OXNAD1: variants seen among roughly 807,000 people sequenced by gnomAD.
OXNAD1 encodes oxidoreductase NAD-binding domain-containing protein 1.
OXNAD1 carries 34 observed loss-of-function variants against 32.9 expected under a neutral mutation model. That is an observed-to-expected ratio of 1.03 (90% CI 0.79 to 1.38). The LOEUF (loss-of-function observed/expected upper bound fraction) is 1.38, where lower values mean the gene tolerates loss of function less well. Ranked by LOEUF, OXNAD1 falls within the 40% of genes most tolerant of loss-of-function variation. The pLI is 0.00. For synonymous variants in OXNAD1, 134 were observed against 135.2 expected (o/e 0.99, Z 0.06); for missense variants, 407 against 379.4 (o/e 1.07, Z -0.60).
rs551613359 is a variant in OXNAD1, at chr3:16,321,592, C to T, written c.*31-15520C>T. ...CCAAGGAGTCTGGCTGTGAAGCCCC[C>T]CTCTCTGGAGGACTCCCATCTGTGA... On this transcript the variant is annotated intron_variant, in intron 9 of 9. Coordinates refer to the OXNAD1 transcript ENST00000435829. This position sits in a 1 kb window ranked among gnomAD's most constrained non-coding sequence, Gnocchi z 4.8. 2.6e-5 allele frequency among the ~76,000 whole-genome samples: 4 copies of T among 152,260 alleles called. No individual in the cohort carries two copies. In the East Asian group the frequency reaches 7.7e-4, roughly 29 times the overall value.
In OXNAD1 at chr3:16,345,264, T is replaced by TTTGTGTGTGTGTGTG. The variant is rs1491581919; in HGVS notation, c.*31-3911_*31-3910insTGTGTGTGTGTGTGT. The TTTGTGTGTGTGTGTG allele has an allele frequency of 9.9e-4, 145 of 145,930 alleles. 2 individuals are homozygous for TTTGTGTGTGTGTGTG. Among genetic ancestry groups the TTTGTGTGTGTGTGTG allele is most frequent in the African/African-American group, 3.5e-3 (131 of 37,852 alleles). The allele number at this position is 145,930 out of a possible 1,614,324, so 9.0% of individuals were successfully genotyped here. On this transcript the variant is annotated intron_variant, in intron 9 of 9. Coordinates refer to the OXNAD1 transcript ENST00000606098. The surrounding 1 kb of genome is among the most constrained non-coding windows in gnomAD (Gnocchi z 5.2). ...AAACTGTAAGATAATAAGTAGGTGG[T>TTTGTGTGTGTGTGTG]TGTGTGTGTGTGTGTGTGTGTGTGT...
In OXNAD1 at chr3:16,306,048, C is replaced by A. The variant is rs1322059779; in HGVS notation, c.*2486C>A. The A allele has an allele frequency of 6.6e-6, 1 of 152,174 alleles. No individual in the cohort carries two copies. Among genetic ancestry groups the A allele is most frequent in the African/African-American group, 2.4e-5 (1 of 41,424 alleles). 9.4% of individuals were successfully genotyped at this position (152,174 alleles called of 1,614,324 possible). On this transcript the variant is annotated 3_prime_UTR_variant, in exon 9 of 9. Transcript: ENST00000285083. ...TATTTCATAAATATTTGTTAATATGCTCAGAGTTGATAAGCTGGATTAAAG... is the reference window on the plus strand; with the variant it reads ...TATTTCATAAATATTTGTTAATATGATCAGAGTTGATAAGCTGGATTAAAG...
intron 9 of OXNAD1, chr3:16,323,547 A>G: frequency 1.1e-6 from 1 of 871,604 alleles, no homozygotes; most frequent in Non-Finnish European, 1.9e-6. Flanking sequence ...ATTTCATCAA[A>G]GCAGACCACC....
rs1161451133 is a variant in OXNAD1 at position 16,289,052 on chromosome 3, CAGTTCTCATATCTTCAA to C, written c.290+2607_290+2623del. 6.6e-6 allele frequency among the ~76,000 whole-genome samples: 1 copy of C among 152,162 alleles called. No individual in the cohort carries two copies. The highest frequency in any genetic ancestry group is 6.5e-5 in the Admixed American group (1 of 15,280). On this transcript the variant is annotated intron_variant, in intron 5 of 8. Coordinates refer to ENST00000285083, the MANE Select transcript of OXNAD1 (RefSeq NM_138381.5). This position sits in a 1 kb window ranked among gnomAD's most constrained non-coding sequence, Gnocchi z 4.9. Reference sequence around the variant, plus strand: ...TCAGTTTCCTTATTTGTCTGGGCTTCAGTTCTCATATCTTCAAAGAGGGAGCAGTAGTATTCCTACGT... The same window carrying C: ...TCAGTTTCCTTATTTGTCTGGGCTTCAGAGGGAGCAGTAGTATTCCTACGT...
At chr3:16,323,260 T>C (rs1416258160) in intron 9 of OXNAD1, 1 of 727,912 alleles carries the variant, frequency 1.4e-6, no homozygotes, top group Non-Finnish European at 2.3e-6. Flanking sequence ...AGGTGTTCCT[T>C]GGGCTCTGCG....
rs182782318 is a variant in OXNAD1, at chr3:16,298,101, T to C, written c.432+3104T>C. Among the ~76,000 whole-genome samples, 2 of 152,288 alleles carry C rather than the reference T, an allele frequency of 1.3e-5. No individual in the cohort carries two copies. The highest frequency in any genetic ancestry group is 1.3e-4 in the Admixed American group (2 of 15,306). On this transcript the variant is annotated intron_variant, in intron 6 of 8. Transcript: ENST00000285083. The surrounding 1 kb of genome is among the most constrained non-coding windows in gnomAD (Gnocchi z 5.1). ...TGTGTAGGCATTTCCATTGTAAATGTATCCTGTCACATTTTTACCCTGCAA... is the reference window on the plus strand; with the variant it reads ...TGTGTAGGCATTTCCATTGTAAATGCATCCTGTCACATTTTTACCCTGCAA...
intron 4 of OXNAD1, chr3:16,276,515 ATTTT>A (rs35338490): frequency 1.4e-3 from 200 of 143,584 alleles, no homozygotes; most frequent in South Asian, 3.2e-3. Flanking sequence ...CAATCTTGCT[ATTTT>A]TTTTTTTTTT....
chr3:16,269,886 G>A (rs377116311), intron 2 of OXNAD1, among the ~76,000 whole-genome samples: 10 of 152,218 alleles, frequency 6.6e-5, no homozygotes, highest in Admixed American at 3.9e-4. Context: ...ATAGAGCAAT[G>A]TAACATGTTA....
At chr3:16,333,568 T>G (rs1160110714) in intron 9 of OXNAD1, among the ~76,000 whole-genome samples, 1 of 152,216 alleles carries the variant, frequency 6.6e-6, no homozygotes, top group Non-Finnish European at 1.5e-5. Flanking sequence ...TAATAAAATG[T>G]TATTATTTTA....
In OXNAD1 at chr3:16,265,665, C is replaced by T. The variant is rs2064438029; in HGVS notation, c.-159+160C>T. On this transcript the variant is annotated intron_variant, in intron 1 of 8. Coordinates refer to ENST00000285083, the MANE Select transcript of OXNAD1 (RefSeq NM_138381.5). This position sits in a 1 kb window ranked among gnomAD's most constrained non-coding sequence, Gnocchi z 4.8. ...TGATTTTTAGTAATAGTAATAACAT[C>T]ACCTTTTATTATTGGGAAGTTATGT... 1 of 156,998 alleles carries T rather than the reference C, an allele frequency of 6.4e-6. No individual in the cohort carries two copies. The highest frequency in any genetic ancestry group is 1.4e-5 in the Non-Finnish European group (1 of 72,466). The allele number at this position is 156,998 out of a possible 1,614,324, so 9.7% of individuals were successfully genotyped here. A position where few individuals can be genotyped will look rare whatever the true frequency, so the allele number is the denominator to read the frequency against.
At chr3:16,338,163 T>C (rs1026283525), downstream of OXNAD1, among the ~76,000 whole-genome samples, 10 of 152,186 alleles carry the variant, frequency 6.6e-5, 1 homozygote, top group Non-Finnish European at 1.2e-4. This position sits in a 1 kb window ranked among gnomAD's most constrained non-coding sequence, Gnocchi z 5.3. Flanking sequence ...GTCAGTTACT[T>C]GGAAGGCAGA....
rs2066318470 is a variant in OXNAD1 at position 16,289,941 on chromosome 3, T to C, written c.290+3493T>C. ...CAACTAAGACATATGTGCATCTTTG[T>C]ACCTCCAGCAAGTACCACAGTGCCT... On this transcript the variant is annotated intron_variant, in intron 5 of 8. Coordinates refer to ENST00000285083, the MANE Select transcript of OXNAD1 (RefSeq NM_138381.5). The surrounding 1 kb of genome is among the most constrained non-coding windows in gnomAD (Gnocchi z 4.9). 6.6e-6 allele frequency among the ~76,000 whole-genome samples: 1 copy of C among 152,238 alleles called. No homozygotes were observed. The highest frequency in any genetic ancestry group is 1.5e-5 in the Non-Finnish European group (1 of 68,046).
intron 9 of OXNAD1, chr3:16,323,429 C>CA: frequency 6.2e-7 from 1 of 1,612,548 alleles, no homozygotes; most frequent in East Asian, 2.2e-5. Context: ...TGAAGAAAGA[C>CA]AATCTGCTTG....
chr3:16,344,030 C>G lies in OXNAD1; in HGVS notation c.*31-5146C>G, dbSNP rs2071481971. ...ACCAGAAAGAAACATGGGCTGTGAT[C>G]TGGAAATGTTCACTGGGTCACAGCC... On this transcript the variant is annotated intron_variant, in intron 9 of 9. Transcript: ENST00000606098. This position sits in a 1 kb window ranked among gnomAD's most constrained non-coding sequence, Gnocchi z 4.4. 6.6e-6 allele frequency among the ~76,000 whole-genome samples: 1 copy of G among 152,168 alleles called. No homozygotes were observed. The highest frequency in any genetic ancestry group is 1.5e-5 in the Non-Finnish European group (1 of 68,032).
At chr3:16,268,307 G>T (rs1000702939) in intron 1 of OXNAD1, among the ~76,000 whole-genome samples, 1 of 116,806 alleles carries the variant, frequency 8.6e-6, no homozygotes, top group Non-Finnish European at 1.8e-5. Context: ...ATTTTAAAGA[G>T]AACTCCTTTT....
chr3:16,312,046 G>T lies in OXNAD1; in HGVS notation c.*30+8454G>T, dbSNP rs1175850095. Among the ~76,000 whole-genome samples, 2 of 152,180 alleles carry T rather than the reference G, an allele frequency of 1.3e-5. No individual in the cohort carries two copies. Among genetic ancestry groups the T allele is most frequent in the Non-Finnish European group, 2.9e-5 (2 of 68,032 alleles). On this transcript the variant is annotated intron_variant, in intron 9 of 9. Transcript: ENST00000435829. This position sits in a 1 kb window ranked among gnomAD's most constrained non-coding sequence, Gnocchi z 4.7. ...CATGCCGCTGTTGTGCAAGGGCTGG[G>T]GAAGCAAGCACCAGCCAGGTTCAGA... is the stretch of plus-strand genomic sequence containing the variant.
chr3:16,269,285 A>G lies in OXNAD1; in HGVS notation c.-9+10A>G. The stretch of plus-strand genomic sequence containing the variant: ...CTCGTGGACTTCTAAGGTAAGTTTC[A>G]ACTTCTTTCTTTCAGGGATTAAGGT... On this transcript the variant is annotated intron_variant, in intron 2 of 8. Transcript: ENST00000285083. 6.5e-7 allele frequency: 1 copy of G among 1,534,416 alleles called. No individual in the cohort carries two copies. The highest frequency in any genetic ancestry group is 8.7e-7 in the Non-Finnish European group (1 of 1,145,934).
At chr3:16,295,683 C>A (rs2066736421) in intron 6 of OXNAD1, among the ~76,000 whole-genome samples, 1 of 152,040 alleles carries the variant, frequency 6.6e-6, no homozygotes, top group African/African-American at 2.4e-5. Context: ...TATTCTTTTC[C>A]TTTTCCTTTC....
In OXNAD1 at chr3:16,284,424, A is replaced by T. The variant is rs1575092561; in HGVS notation, c.184-1918A>T. Reference sequence around the variant, plus strand: ...AAACCTGGAGGGGATAGCCTACTACACACTTAGGCTAAATGGTATAGCCTA... The same window carrying T: ...AAACCTGGAGGGGATAGCCTACTACTCACTTAGGCTAAATGGTATAGCCTA... On this transcript the variant is annotated intron_variant, in intron 4 of 8. Transcript: ENST00000285083. The surrounding 1 kb of genome is among the most constrained non-coding windows in gnomAD (Gnocchi z 4.1). Among the ~76,000 whole-genome samples, 2 of 152,232 alleles carry T rather than the reference A, an allele frequency of 1.3e-5. No homozygotes were observed. The highest frequency in any genetic ancestry group is 1.3e-4 in the Admixed American group (2 of 15,274).
Sources: gnomAD v4.1 joint callset for allele counts (sites outside exome capture counted in the v4.1 genomes callset) on GRCh38, gnomAD v4.1.1 for gene constraint, Gnocchi (gnomAD v3.1) non-coding constraint, MANE v1.5 for transcripts, NCBI Gene and HGNC (gene_info 2026-07-23, HGNC 2026-07-21) for gene names.